COBL: variants seen among roughly 807,000 people sequenced by gnomAD.
COBL encodes the protein protein cordon-bleu.
Under a neutral mutation model 98.8 loss-of-function variants are expected in COBL, and 51 were observed. The ratio of observed to expected loss-of-function variants is 0.52; its 90% CI spans 0.41 to 0.65. The LOEUF (loss-of-function observed/expected upper bound fraction) is 0.65. Among genes scored for constraint, COBL ranks in the 30% least tolerant of loss-of-function variants. The probability of loss-of-function intolerance (pLI) is 0.00; values close to 1 mark genes in which losing one functional copy is unlikely to be tolerated. For missense variants in COBL, 1,617 were observed against 1,617.5 expected, an observed-to-expected ratio of 1.00 and a Z score of 0.01; for synonymous variants, 634 against 651.7, an observed-to-expected ratio of 0.97 and a Z score of 0.41.
intron 5 of COBL, among the ~76,000 whole-genome samples, chr7:51,170,763 G>T (rs28607854): frequency 2.0e-5 from 3 of 151,856 alleles, no homozygotes; most frequent in African/African-American, 7.3e-5. Flanking sequence ...GCTGGAGAGC[G>T]GAGTAGAAGG....
At chr7:51,047,860 T>A (rs188101323) in intron 7 of COBL, among the ~76,000 whole-genome samples, 10 of 145,910 alleles carry the variant, frequency 6.9e-5, no homozygotes, top group African/African-American at 2.6e-4. Context: ...CAAACTGACA[T>A]AAAGCATTTC....
At chr7:51,105,119 C>G (rs913657834) in intron 6 of COBL, among the ~76,000 whole-genome samples, 4 of 152,082 alleles carry the variant, frequency 2.6e-5, no homozygotes, top group African/African-American at 9.6e-5. Flanking sequence ...TGGGGAGGGA[C>G]TTCCATGCTA....
chr7:51,078,169 A>G (rs189182592), intron 7 of COBL, among the ~76,000 whole-genome samples: 102 of 152,348 alleles, frequency 6.7e-4, no homozygotes, highest in Non-Finnish European at 1.2e-3. Context: ...ATCTAAGGTC[A>G]TTCCATTCTT....
chr7:51,121,567 G>C (rs985220053), intron 6 of COBL, among the ~76,000 whole-genome samples: 1 of 152,188 alleles, frequency 6.6e-6, no homozygotes, highest in Admixed American at 6.5e-5. Flanking sequence ...TGTCTTTGAA[G>C]CTGAAGGTTA....
At chr7:51,268,704 G>A (rs1798449447) in intron 1 of COBL, among the ~76,000 whole-genome samples, 1 of 152,028 alleles carries the variant, frequency 6.6e-6, no homozygotes, top group South Asian at 2.1e-4. Context: ...GGCCAAGGTA[G>A]GTGGATCACA....
chr7:51,214,842 C>A (rs574479533), intron 2 of COBL, among the ~76,000 whole-genome samples: 1 of 152,164 alleles, frequency 6.6e-6, no homozygotes. Flanking sequence ...CAGTGGCACA[C>A]GCAGTCTTGT....
rs530983263 is a variant in COBL at position 51,045,713 on chromosome 7, T to G, written c.1097-2021A>C. 7.9e-5 allele frequency among the ~76,000 whole-genome samples: 12 copies of G among 152,274 alleles called. 1 individual carries two copies. In the South Asian group the frequency reaches 2.3e-3, roughly 29 times the overall value. On this transcript the variant is annotated intron_variant, in intron 7 of 12. Transcript: ENST00000265136. The stretch of plus-strand genomic sequence containing the variant: ...AGAACACATCGCAGGGCAGAGGGAC[T>G]CTAACCCACCTCCACCCCTTCTCTA...
chr7:51,236,725 G>C (rs971525328), intron 1 of COBL, among the ~76,000 whole-genome samples: 1 of 152,120 alleles, frequency 6.6e-6, no homozygotes, highest in Non-Finnish European at 1.5e-5. Context: ...AAAGGGGAAT[G>C]GGAATACCTA....
chr7:51,202,647 T>C (rs1372739643), intron 2 of COBL, among the ~76,000 whole-genome samples: 2 of 152,128 alleles, frequency 1.3e-5, no homozygotes, highest in Admixed American at 6.5e-5. Context: ...AGAAAATATC[T>C]TGAGACAAAT....
intron 2 of COBL, among the ~76,000 whole-genome samples, chr7:51,213,384 G>A (rs1013761716): frequency 5.3e-5 from 8 of 152,180 alleles, no homozygotes; most frequent in Non-Finnish European, 7.3e-5. Context: ...TGTGAACTGC[G>A]TATGTGCTCC....
At chr7:51,076,245 A>G (rs1343276082) in intron 7 of COBL, among the ~76,000 whole-genome samples, 1 of 152,218 alleles carries the variant, frequency 6.6e-6, no homozygotes, top group African/African-American at 2.4e-5. Context: ...TGAAATAGGA[A>G]AAGTACTTAG....
intron 5 of COBL, among the ~76,000 whole-genome samples, chr7:51,137,851 CA>C (rs1418105477): frequency 1.3e-5 from 2 of 152,106 alleles, no homozygotes; most frequent in African/African-American, 4.8e-5. Flanking sequence ...TCATATTTTA[CA>C]TAATAAGCTT....
At chr7:51,056,237 T>A (rs1235940412) in intron 7 of COBL, among the ~76,000 whole-genome samples, 1 of 127,596 alleles carries the variant, frequency 7.8e-6, no homozygotes, top group Admixed American at 7.9e-5. Flanking sequence ...AGTGGGGGCA[T>A]GAGGAAGAGC....
chr7:51,154,254 G>T (rs1208194107), intron 5 of COBL, among the ~76,000 whole-genome samples: 1 of 152,196 alleles, frequency 6.6e-6, no homozygotes, highest in Non-Finnish European at 1.5e-5. Context: ...CCATGAGGGT[G>T]GTTTTAAGCT....
intron 6 of COBL, among the ~76,000 whole-genome samples, chr7:51,117,863 G>A (rs1296772390): frequency 4.6e-5 from 7 of 152,178 alleles, no homozygotes; most frequent in South Asian, 4.2e-4. Flanking sequence ...TTGTCTTCAC[G>A]GGCAATAATA....
At chr7:51,290,188 C>G (rs748770507) in intron 1 of COBL, among the ~76,000 whole-genome samples, 13 of 152,188 alleles carry the variant, frequency 8.5e-5, no homozygotes, top group Non-Finnish European at 1.5e-4. Context: ...AATGCATACA[C>G]CAATCACAGA....
At chr7:51,064,095 T>A (rs1791657124) in intron 7 of COBL, among the ~76,000 whole-genome samples, 2 of 152,220 alleles carry the variant, frequency 1.3e-5, no homozygotes, top group Admixed American at 6.5e-5. Context: ...GAACCCTGAT[T>A]ATCCAATCAA....
At chr7:51,294,617 T>G (rs1801233520) in intron 1 of COBL, among the ~76,000 whole-genome samples, 1 of 125,560 alleles carries the variant, frequency 8.0e-6, no homozygotes, top group African/African-American at 3.1e-5. Flanking sequence ...CACTCCAGCT[T>G]GGGCGACAAG....
At chr7:51,050,099 G>A (rs1790092633) in intron 7 of COBL, among the ~76,000 whole-genome samples, 1 of 152,102 alleles carries the variant, frequency 6.6e-6, no homozygotes, top group Admixed American at 6.6e-5. Context: ...GCATGATGAA[G>A]GTAATCAGTT....
Sources: gnomAD v4.1 joint callset for allele counts (sites outside exome capture counted in the v4.1 genomes callset) on GRCh38, gnomAD v4.1.1 for gene constraint, MANE v1.5 for transcripts, NCBI Gene and HGNC (gene_info 2026-07-23, HGNC 2026-07-21) for gene names.